PPP3CC: variants seen among roughly 807,000 people sequenced by gnomAD.
PPP3CC encodes serine/threonine-protein phosphatase 2B catalytic subunit gamma isoform.
A neutral mutation model predicts 60.3 loss-of-function variants in PPP3CC; 35 were observed. That is an observed-to-expected ratio of 0.58 (90% CI 0.44 to 0.77). PPP3CC has a LOEUF of 0.77. Ranked by LOEUF, PPP3CC falls within the 30% of genes least tolerant of loss-of-function variation. The pLI is 0.00. For synonymous variants in PPP3CC, 206 were observed against 224.3 expected (o/e 0.92, Z 0.73); for missense variants, 570 against 628.9 (o/e 0.91, Z 1.00).
intron 3 of PPP3CC, among the ~76,000 whole-genome samples, chr8:22,475,963 T>G (rs1837876562): frequency 6.6e-6 from 1 of 152,216 alleles, no homozygotes; most frequent in Admixed American, 6.5e-5. Context: ...TAGCTGACCT[T>G]AATTATAAGA....
chr8:22,515,913 C>CTTTATTTTATTTTAT (rs71206525), intron 6 of PPP3CC, among the ~76,000 whole-genome samples: 2,911 of 144,638 alleles, frequency 0.02, 109 homozygotes, highest in African/African-American at 0.072. Context: ...CTTTCTTCTT[C>CTTTATTTTATTTTAT]TTTATTTTAT....
At chr8:22,502,949 A>G (rs959851357) in intron 4 of PPP3CC, among the ~76,000 whole-genome samples, 2 of 152,108 alleles carry the variant, frequency 1.3e-5, no homozygotes, top group South Asian at 2.1e-4. Context: ...AACTCATGCA[A>G]TCCTCCAGCC....
intron 4 of PPP3CC, among the ~76,000 whole-genome samples, chr8:22,500,572 A>G (rs1838732607): frequency 6.6e-6 from 1 of 152,170 alleles, no homozygotes; most frequent in Non-Finnish European, 1.5e-5. Flanking sequence ...GTAGATTGCT[A>G]TTTATAGTGT....
chr8:22,505,889 G>A (rs1465752954), intron 4 of PPP3CC, among the ~76,000 whole-genome samples: 1 of 151,916 alleles, frequency 6.6e-6, no homozygotes, highest in African/African-American at 2.4e-5. Flanking sequence ...AGTACAGGGA[G>A]GGCATCTTTT....
At chr8:22,464,040 G>A (rs924613781) in intron 1 of PPP3CC, among the ~76,000 whole-genome samples, 16 of 151,646 alleles carry the variant, frequency 1.1e-4, no homozygotes, top group African/African-American at 3.6e-4. Flanking sequence ...TGCCTACCTC[G>A]GCCTCCTAAT....
intron 1 of PPP3CC, among the ~76,000 whole-genome samples, chr8:22,469,961 GAC>G (rs1837665422): frequency 1.0e-5 from 1 of 97,176 alleles, no homozygotes; most frequent in African/African-American, 5.2e-5. Flanking sequence ...TTTGCTCAAA[GAC>G]ATATATATAT....
chr8:22,497,654 G>A (rs1838630859), intron 3 of PPP3CC, among the ~76,000 whole-genome samples: 1 of 152,114 alleles, frequency 6.6e-6, no homozygotes, highest in Non-Finnish European at 1.5e-5. Context: ...GTTTTGAACA[G>A]TAGCAGAGAT....
chr8:22,521,974 A>C (rs1839416975), intron 6 of PPP3CC, among the ~76,000 whole-genome samples: 2 of 146,368 alleles, frequency 1.4e-5, no homozygotes, highest in East Asian at 3.9e-4. Flanking sequence ...AAAAAAAAAA[A>C]CAAACCTATA....
rs113404970 is a variant in PPP3CC, at chr8:22,538,219, C to T, written c.1322-1250C>T. Among the ~76,000 whole-genome samples the T allele has an allele frequency of 9.2e-5, 14 of 152,208 alleles. No homozygotes were observed. The East Asian group carries it at 1.5e-3, about 17-fold the overall frequency. On this transcript the variant is annotated intron_variant, in intron 12 of 13. Transcript: ENST00000240139. Reference sequence around the variant, plus strand: ...CAAGGTAATATCATACACATTTTACCGTGTAGCTTTTAAGCTCTAATTAGA... The same window carrying T: ...CAAGGTAATATCATACACATTTTACTGTGTAGCTTTTAAGCTCTAATTAGA...
At chr8:22,461,783 A>C (rs1047148715) in intron 1 of PPP3CC, among the ~76,000 whole-genome samples, 3 of 152,204 alleles carry the variant, frequency 2.0e-5, no homozygotes, top group African/African-American at 7.2e-5. Context: ...TGTTAGGATA[A>C]AGGTAGTAGT....
chr8:22,486,386 G>T (rs1242555288), intron 3 of PPP3CC, among the ~76,000 whole-genome samples: 2 of 152,044 alleles, frequency 1.3e-5, no homozygotes, highest in African/African-American at 4.8e-5. Flanking sequence ...ACTAATGATT[G>T]GTCTAGGGGT....
At chr8:22,533,132 C>T in intron 12 of PPP3CC, 114 bp downstream of exon 12, 1 of 693,498 alleles carries the variant, frequency 1.4e-6, no homozygotes, top group Non-Finnish European at 2.2e-6. Flanking sequence ...TTGGTTATAC[C>T]ATAAGCGGGG....
chr8:22,531,348 T>C, intron 10 of PPP3CC: 1 of 1,519,746 alleles, frequency 6.6e-7, no homozygotes, highest in Non-Finnish European at 8.8e-7. Context: ...TAAACTGTGC[T>C]AAGAGCTTAA....
intron 10 of PPP3CC, among the ~76,000 whole-genome samples, chr8:22,529,586 C>T (rs1020502422): frequency 3.9e-5 from 6 of 152,074 alleles, no homozygotes; most frequent in Admixed American, 6.6e-5. Context: ...CGAGTTCAAG[C>T]GATTCTCCTG....
chr8:22,481,345 A>AAATAATAATAATAAT (rs56115827), intron 3 of PPP3CC, among the ~76,000 whole-genome samples: 16 of 144,004 alleles, frequency 1.1e-4, no homozygotes, highest in African/African-American at 3.6e-4. Context: ...CAAGAAAAAT[A>AAATAATAATAATAAT]AATAATAATA....
At chr8:22,529,417 C>G (rs911920393) in intron 10 of PPP3CC, among the ~76,000 whole-genome samples, 1 of 152,114 alleles carries the variant, frequency 6.6e-6, no homozygotes, top group African/African-American at 2.4e-5. Context: ...TTTTATGAGA[C>G]TAATGGACAA....
intron 5 of PPP3CC, among the ~76,000 whole-genome samples, chr8:22,511,719 A>G (rs2449338): frequency 0.46 from 69,380 of 152,080 alleles, 15,906 homozygotes; most frequent in East Asian, 0.55. Flanking sequence ...ACCACAAATT[A>G]TAATTTTTAA....
intron 4 of PPP3CC, among the ~76,000 whole-genome samples, chr8:22,508,529 T>C (rs1300019030): frequency 6.6e-6 from 1 of 152,232 alleles, no homozygotes; most frequent in Non-Finnish European, 1.5e-5. Context: ...ATTTACAAAA[T>C]GACAATACAC....
At chr8:22,511,650 A>G (rs1297772311) in intron 5 of PPP3CC, among the ~76,000 whole-genome samples, 1 of 152,200 alleles carries the variant, frequency 6.6e-6, no homozygotes, top group Non-Finnish European at 1.5e-5. Flanking sequence ...AAAGTAAGAA[A>G]ATGGAAGTTA....
Sources: gnomAD v4.1 joint callset for allele counts (sites outside exome capture counted in the v4.1 genomes callset) on GRCh38, gnomAD v4.1.1 for gene constraint, MANE v1.5 for transcripts, NCBI Gene and HGNC (gene_info 2026-07-23, HGNC 2026-07-21) for gene names.